Variants in FBLN7 observed in about 807,000 individuals in gnomAD.
The protein encoded by FBLN7 is fibulin-7.
Under a neutral mutation model 44.0 loss-of-function variants are expected in FBLN7, and 31 were observed. The observed-to-expected ratio is 0.70, with a 90% CI of 0.53 to 0.95. The LOEUF (loss-of-function observed/expected upper bound fraction) is 0.95, where lower values mean the gene tolerates loss of function less well. Among genes scored for constraint, FBLN7 ranks in the 40% least tolerant of loss-of-function variants. The probability of loss-of-function intolerance (pLI) is 0.00; values close to 1 mark genes in which losing one functional copy is unlikely to be tolerated. For synonymous variants in FBLN7, 262 were observed against 253.4 expected, an observed-to-expected ratio of 1.03 and a Z score of -0.32; for missense variants, 573 against 618.5, an observed-to-expected ratio of 0.93 and a Z score of 0.78.
the FBLN7 span, among the ~76,000 whole-genome samples, chr2:112,241,969 A>C: frequency 6.6e-6 from 1 of 152,168 alleles, no homozygotes; most frequent in South Asian, 2.1e-4. Flanking sequence ...GTGGACTGAG[A>C]ATTGTTACAC....
the FBLN7 span, among the ~76,000 whole-genome samples, chr2:112,201,074 G>A: frequency 6.6e-6 from 1 of 152,186 alleles, no homozygotes; most frequent in Non-Finnish European, 1.5e-5. Context: ...GAGACAAGGA[G>A]TGTGAGGGTT....
intron 2 of FBLN7, among the ~76,000 whole-genome samples, chr2:112,160,883 G>A (rs1469473106): frequency 6.7e-6 from 1 of 149,938 alleles, no homozygotes. Flanking sequence ...CCGAGCCAGT[G>A]CAATACACTG....
At chr2:112,176,545 TG>T (rs1425925857) in intron 4 of FBLN7, 2 of 152,370 alleles carry the variant, frequency 1.3e-5, no homozygotes, top group African/African-American at 4.8e-5. Context: ...GAAGGGACAT[TG>T]GGGCTAGTGC....
intron 5 of FBLN7, 155 bp downstream of exon 5, chr2:112,182,031 C>CT: frequency 6.7e-6 from 6 of 900,656 alleles, no homozygotes; most frequent in Non-Finnish European, 6.3e-6. Flanking sequence ...AAGTGTTGAC[C>CT]TAGTGATGGC....
At chr2:112,236,196 G>A in the FBLN7 span, among the ~76,000 whole-genome samples, 3 of 152,066 alleles carry the variant, frequency 2.0e-5, no homozygotes, top group Admixed American at 6.5e-5. Flanking sequence ...CCCGAGAGGC[G>A]GAGCTTGCAG....
the FBLN7 span, chr2:112,233,251 A>G: frequency 6.6e-7 from 1 of 1,508,820 alleles, no homozygotes; most frequent in Non-Finnish European, 9.0e-7. Flanking sequence ...ATCTTGTGAT[A>G]AAGGATATTA....
At chr2:112,200,437 TTGTC>T in the FBLN7 span, among the ~76,000 whole-genome samples, 31 of 152,318 alleles carry the variant, frequency 2.0e-4, no homozygotes, top group Non-Finnish European at 3.1e-4. Context: ...ATTTCTGCCT[TTGTC>T]TGGGGAATTC....
intron 2 of FBLN7, among the ~76,000 whole-genome samples, chr2:112,160,818 A>G (rs893264365): frequency 1.4e-5 from 2 of 145,254 alleles, no homozygotes; most frequent in East Asian, 2.0e-4. Flanking sequence ...ACACACGCAC[A>G]CACAAGCACG....
chr2:112,148,339 A>G (rs1680987419), intron 1 of FBLN7, among the ~76,000 whole-genome samples: 1 of 152,208 alleles, frequency 6.6e-6, no homozygotes, highest in African/African-American at 2.4e-5. Context: ...CCTGAAGTAG[A>G]GATTTTAATA....
chr2:112,231,533 G>C, the FBLN7 span, among the ~76,000 whole-genome samples: 1 of 152,044 alleles, frequency 6.6e-6, no homozygotes, highest in Non-Finnish European at 1.5e-5. Flanking sequence ...TTTATAACAG[G>C]AGTACTATTT....
At chr2:112,165,225 G>C in intron 3 of FBLN7, 54 bp downstream of exon 3, 1 of 1,559,510 alleles carries the variant, frequency 6.4e-7, no homozygotes, top group Non-Finnish European at 8.7e-7. Context: ...GTATAGCAAG[G>C]GTTTCTTGCA....
At chr2:112,238,181 T>C in the FBLN7 span, 1 of 924,660 alleles carries the variant, frequency 1.1e-6, no homozygotes, top group Non-Finnish European at 1.6e-6. Context: ...CAAGCTCATG[T>C]CTGGTATAAA....
intron 1 of FBLN7, among the ~76,000 whole-genome samples, chr2:112,148,966 C>T (rs375442612): frequency 3.9e-5 from 6 of 152,168 alleles, no homozygotes; most frequent in Admixed American, 3.3e-4. Context: ...TTGCATATGG[C>T]GTTGGCACAG....
chr2:112,227,600 A>T, the FBLN7 span, among the ~76,000 whole-genome samples: 3 of 152,306 alleles, frequency 2.0e-5, no homozygotes, highest in South Asian at 6.2e-4. Context: ...ACAAAATAAA[A>T]CCTACTAGAG....
At chr2:112,153,873 A>G (rs867779732) in intron 1 of FBLN7, among the ~76,000 whole-genome samples, 6 of 152,170 alleles carry the variant, frequency 3.9e-5, no homozygotes, top group Non-Finnish European at 7.3e-5. Context: ...GATGGACAAG[A>G]ATTCCCGGAG....
intron 1 of FBLN7, among the ~76,000 whole-genome samples, chr2:112,157,111 T>A (rs575981304): frequency 2.0e-5 from 3 of 152,332 alleles, no homozygotes; most frequent in Non-Finnish European, 4.4e-5. Flanking sequence ...GGCTCACACC[T>A]GTAATCCCAG....
At position 112,182,987 on chromosome 2, in the gene FBLN7, C is replaced by T. The variant is rs1246431822; in HGVS notation, c.808+59C>T. On this transcript the variant is annotated intron_variant, in intron 6 of 7. Coordinates refer to ENST00000331203, the MANE Select transcript of FBLN7 (RefSeq NM_153214.3). ...GCCACCTGCTGCTGTGCTGAACCCC[C>T]AGGACCTCACAGTCGGGAGTGAGGT... 3.2e-6 allele frequency: 5 copies of T among 1,586,916 alleles called. No individual in the cohort carries two copies. In the African/African-American group the frequency reaches 5.4e-5, roughly 17 times the overall value.
At chr2:112,153,856 G>C (rs1272734804) in intron 1 of FBLN7, among the ~76,000 whole-genome samples, 1 of 152,244 alleles carries the variant, frequency 6.6e-6, no homozygotes. Context: ...GAAGGGGCTG[G>C]AGGGGAGATG....
intron 1 of FBLN7, among the ~76,000 whole-genome samples, chr2:112,149,934 G>A (rs1247107850): frequency 6.6e-6 from 1 of 152,222 alleles, no homozygotes; most frequent in African/African-American, 2.4e-5. Context: ...GCCTCGATGG[G>A]AAGTGAGACC....
Sources: allele counts gnomAD v4.1 joint callset (sites outside exome capture counted in the v4.1 genomes callset), GRCh38; gene constraint gnomAD v4.1.1; transcripts MANE v1.5; gene names NCBI Gene and HGNC (gene_info 2026-07-23, HGNC 2026-07-21).